The following ASIC2 variants were observed in gnomAD, a reference collection of about 807,000 sequenced individuals.
ASIC2 encodes acid sensing ion channel subunit 2, also known as acid-sensing ion channel 2.
ASIC2 carries 25 observed loss-of-function variants against 57.3 expected under a neutral mutation model. The observed-to-expected ratio is 0.44, with a 90% confidence interval of 0.32 to 0.61. The LOEUF (loss-of-function observed/expected upper bound fraction) is 0.61, where lower values mean the gene tolerates loss of function less well. Ranked by LOEUF, ASIC2 falls within the 20% of genes least tolerant of loss-of-function variation. The probability of loss-of-function intolerance (pLI) is 0.06; values close to 1 mark genes in which losing one functional copy is unlikely to be tolerated. For missense variants in ASIC2, 641 were observed against 738.1 expected, an observed-to-expected ratio of 0.87 and a Z score of 1.52; for synonymous variants, 319 against 307.5, an observed-to-expected ratio of 1.04 and a Z score of -0.39.
chr17:33,180,463 G>A (rs1022635931), intron 1 of ASIC2, among the ~76,000 whole-genome samples: 2 of 152,124 alleles, frequency 1.3e-5, no homozygotes, highest in African/African-American at 4.8e-5. Context: ...ATGCTTTGAA[G>A]CCAGCCCCAC....
chr17:33,456,459 A>G (rs976268535), intron 1 of ASIC2, among the ~76,000 whole-genome samples: 10 of 152,184 alleles, frequency 6.6e-5, no homozygotes, highest in East Asian at 3.9e-4. Flanking sequence ...CATAATGACA[A>G]CCCTCGGAGC....
At chr17:33,022,815 T>A (rs970894208) in intron 6 of ASIC2, among the ~76,000 whole-genome samples, 1 of 152,082 alleles carries the variant, frequency 6.6e-6, no homozygotes, top group Admixed American at 6.5e-5. Flanking sequence ...AAACACAACA[T>A]GAATATGTAA....
At chr17:33,643,402 G>A (rs1906644655) in intron 1 of ASIC2, among the ~76,000 whole-genome samples, 1 of 152,150 alleles carries the variant, frequency 6.6e-6, no homozygotes, top group Non-Finnish European at 1.5e-5. Flanking sequence ...TTTCAATGCT[G>A]TTCACTGCTA....
intron 1 of ASIC2, among the ~76,000 whole-genome samples, chr17:33,613,500 G>T (rs1027723615): frequency 8.4e-4 from 127 of 151,794 alleles, no homozygotes; most frequent in Non-Finnish European, 1.6e-3. Flanking sequence ...GAGTAGCTGG[G>T]ACTACAGGCA....
intron 1 of ASIC2, among the ~76,000 whole-genome samples, chr17:33,708,866 G>C (rs1908941497): frequency 6.6e-6 from 1 of 152,114 alleles, no homozygotes; most frequent in Non-Finnish European, 1.5e-5. Flanking sequence ...CAGGAGCCCT[G>C]TTTCAAAAAT....
chr17:33,555,778 G>T (rs1915889802), intron 1 of ASIC2, among the ~76,000 whole-genome samples: 1 of 152,124 alleles, frequency 6.6e-6, no homozygotes, highest in Admixed American at 6.5e-5. Context: ...ATCATGGAAA[G>T]AACTCTGGAC....
At chr17:33,076,052 G>A (rs1426602082) in intron 3 of ASIC2, among the ~76,000 whole-genome samples, 1 of 152,172 alleles carries the variant, frequency 6.6e-6, no homozygotes, top group Admixed American at 6.5e-5. Flanking sequence ...TACATGGATG[G>A]AAGAATAGCA....
intron 1 of ASIC2, among the ~76,000 whole-genome samples, chr17:34,141,130 C>T (rs1912260214): frequency 6.7e-6 from 1 of 150,218 alleles, no homozygotes; most frequent in Non-Finnish European, 1.5e-5. Flanking sequence ...AATTGAAGAT[C>T]ATTGTGCAAG....
chr17:33,127,840 C>T (rs9903579), intron 1 of ASIC2, among the ~76,000 whole-genome samples: 11,721 of 152,158 alleles, frequency 0.077, 1,138 homozygotes, highest in African/African-American at 0.23. Context: ...CAAAAGCAAA[C>T]GCCCCTGCTT....
intron 1 of ASIC2, among the ~76,000 whole-genome samples, chr17:33,186,133 CAG>C (rs1290271105): frequency 5.9e-5 from 9 of 151,776 alleles, no homozygotes; most frequent in Admixed American, 5.9e-4. Flanking sequence ...TTCTTTGAGA[CAG>C]AGTCTCGCTT....
At chr17:33,578,172 C>T (rs1024382758) in intron 1 of ASIC2, among the ~76,000 whole-genome samples, 1 of 152,230 alleles carries the variant, frequency 6.6e-6, no homozygotes, top group Admixed American at 6.5e-5. Flanking sequence ...TTAACTGAAC[C>T]CCTTCCACTC....
chr17:34,009,888 A>T (rs1327723011), intron 1 of ASIC2, among the ~76,000 whole-genome samples: 1 of 152,234 alleles, frequency 6.6e-6, no homozygotes, highest in Non-Finnish European at 1.5e-5. Context: ...GGAGGGGTGC[A>T]TGAGGAGCTA....
intron 1 of ASIC2, among the ~76,000 whole-genome samples, chr17:33,783,034 C>G (rs1046022023): frequency 6.6e-6 from 1 of 152,206 alleles, no homozygotes; most frequent in African/African-American, 2.4e-5. Context: ...CCATCAGACC[C>G]AAGAGCAAAT....
chr17:33,528,750 G>C (rs1379239606), intron 1 of ASIC2, among the ~76,000 whole-genome samples: 1 of 152,188 alleles, frequency 6.6e-6, no homozygotes, highest in African/African-American at 2.4e-5. Flanking sequence ...CTTACTATTA[G>C]AAACCATTGC....
chr17:33,623,296 C>T (rs1427875183), intron 1 of ASIC2, among the ~76,000 whole-genome samples: 1 of 151,972 alleles, frequency 6.6e-6, no homozygotes, highest in Non-Finnish European at 1.5e-5. Flanking sequence ...GAGTCTCTCT[C>T]TGTCACCAGG....
At chr17:34,132,293 C>G (rs1368902807) in intron 1 of ASIC2, among the ~76,000 whole-genome samples, 2 of 152,152 alleles carry the variant, frequency 1.3e-5, no homozygotes, top group East Asian at 1.9e-4. Flanking sequence ...TTAAAGGTTG[C>G]GCAGACCCAA....
chr17:34,053,593 C>T (rs1908649455), intron 1 of ASIC2, among the ~76,000 whole-genome samples: 1 of 152,096 alleles, frequency 6.6e-6, no homozygotes, highest in Non-Finnish European at 1.5e-5. Context: ...TGCATTAGCC[C>T]ACATAATCTG....
chr17:33,344,082 C>T (rs1357979660), intron 1 of ASIC2, among the ~76,000 whole-genome samples: 5 of 152,190 alleles, frequency 3.3e-5, no homozygotes, highest in East Asian at 1.9e-4. Flanking sequence ...CACAACATGG[C>T]GTCAAAATTG....
Position 33,946,475 on chromosome 17 carries a change from A to C in ASIC2, c.555+209503T>G, listed in dbSNP as rs567067386. Among the ~76,000 whole-genome samples the C allele has an allele frequency of 3.3e-5, 5 of 152,364 alleles. No homozygotes were observed. The East Asian group carries it at 9.6e-4, about 29-fold the overall frequency. On this transcript the variant is annotated intron_variant, in intron 1 of 9. Transcript: ENST00000359872. ...AAGACCTATTAAATGCATGGTCATC[A>C]AGACTTAGTCATTGGTTCATTTGTG...
Sources: allele counts gnomAD v4.1 joint callset (sites outside exome capture counted in the v4.1 genomes callset), GRCh38; gene constraint gnomAD v4.1.1; transcripts MANE v1.5; gene names NCBI Gene and HGNC (gene_info 2026-07-23, HGNC 2026-07-21).